WWOX: variants seen among roughly 807,000 people sequenced by gnomAD.
WWOX encodes the protein WW domain containing oxidoreductase, also known as WW domain-containing oxidoreductase.
A neutral mutation model predicts 46.2 loss-of-function variants in WWOX; 69 were observed. The observed-to-expected ratio is 1.49, with a 90% CI of 1.23 to 1.82. The LOEUF (loss-of-function observed/expected upper bound fraction) is 1.82, where lower values mean the gene tolerates loss of function less well. WWOX is among the 40% of genes most tolerant of loss of function. The probability of loss-of-function intolerance (pLI) is 0.00; values close to 1 mark genes in which losing one functional copy is unlikely to be tolerated. For synonymous variants in WWOX, 359 were observed against 202.6 expected (o/e 1.77, Z -6.56); for missense variants, 919 against 542.6 (o/e 1.69, Z -6.89).
chr16:78,865,172 G>T (rs1352132530), intron 8 of WWOX, among the ~76,000 whole-genome samples: 1 of 152,074 alleles, frequency 6.6e-6, no homozygotes, highest in African/African-American at 2.4e-5. Context: ...AGTGCTAAAG[G>T]TTGTATGTTT....
At chr16:78,236,810 C>T (rs2037454063) in intron 5 of WWOX, among the ~76,000 whole-genome samples, 1 of 152,130 alleles carries the variant, frequency 6.6e-6, no homozygotes, top group African/African-American at 2.4e-5. Flanking sequence ...GGCCCGGTGG[C>T]TCACACCTGT....
At chr16:78,514,079 C>A (rs1187294505) in intron 8 of WWOX, among the ~76,000 whole-genome samples, 1 of 152,148 alleles carries the variant, frequency 6.6e-6, no homozygotes, top group African/African-American at 2.4e-5. Flanking sequence ...TAGAATGACT[C>A]AAAATCAGCC....
intron 8 of WWOX, among the ~76,000 whole-genome samples, chr16:78,511,897 C>A (rs936154006): frequency 1.3e-5 from 2 of 152,184 alleles, no homozygotes; most frequent in Non-Finnish European, 2.9e-5. Context: ...ATGACATTAT[C>A]CGTTTACTGC....
chr16:78,645,711 A>G (rs1015415300), intron 8 of WWOX, among the ~76,000 whole-genome samples: 6 of 152,144 alleles, frequency 3.9e-5, no homozygotes, highest in African/African-American at 9.6e-5. Flanking sequence ...CACCCCCGTA[A>G]CCTAGACTCC....
At chr16:78,306,409 T>C (rs911262102) in intron 5 of WWOX, among the ~76,000 whole-genome samples, 8 of 152,120 alleles carry the variant, frequency 5.3e-5, no homozygotes, top group Admixed American at 2.0e-4. Flanking sequence ...CAGTAGATAT[T>C]TCAGAACCCT....
chr16:78,348,932 C>T (rs991483335), intron 5 of WWOX, among the ~76,000 whole-genome samples: 1 of 120,150 alleles, frequency 8.3e-6, no homozygotes, highest in African/African-American at 2.8e-5. Flanking sequence ...AATAGCCCAG[C>T]AGAGGGGAAA....
intron 8 of WWOX, among the ~76,000 whole-genome samples, chr16:78,645,327 T>C (rs996994821): frequency 1.3e-5 from 2 of 152,112 alleles, no homozygotes; most frequent in African/African-American, 4.8e-5. Flanking sequence ...CTTTAACAAA[T>C]GACCACCCAT....
chr16:79,166,927 A>G (rs1473510275), intron 8 of WWOX, among the ~76,000 whole-genome samples: 2 of 151,674 alleles, frequency 1.3e-5, no homozygotes, highest in Non-Finnish European at 2.9e-5. Flanking sequence ...GTAAATTTCA[A>G]CTTCATCATA....
chr16:78,686,753 A>G (rs1282609477), intron 8 of WWOX, among the ~76,000 whole-genome samples: 1 of 152,076 alleles, frequency 6.6e-6, no homozygotes, highest in Non-Finnish European at 1.5e-5. Flanking sequence ...TCCACCCTGC[A>G]CTCCATATGC....
At chr16:78,577,019 T>A (rs2044898401) in intron 8 of WWOX, among the ~76,000 whole-genome samples, 1 of 152,256 alleles carries the variant, frequency 6.6e-6, no homozygotes, top group African/African-American at 2.4e-5. Flanking sequence ...CAAAATTCAG[T>A]GATTAGTTTA....
At chr16:78,773,871 G>C (rs2050124741) in intron 8 of WWOX, among the ~76,000 whole-genome samples, 1 of 152,160 alleles carries the variant, frequency 6.6e-6, no homozygotes, top group African/African-American at 2.4e-5. Flanking sequence ...ACTTCTGTTG[G>C]CATCATTCGC....
intron 8 of WWOX, among the ~76,000 whole-genome samples, chr16:78,571,365 G>T (rs76941086): frequency 6.6e-6 from 1 of 152,068 alleles, no homozygotes; most frequent in Non-Finnish European, 1.5e-5. Flanking sequence ...CCCATTAAAT[G>T]TGTATATATA....
At chr16:78,422,844 T>TACACACACACACACAC (rs370327902) in intron 6 of WWOX, among the ~76,000 whole-genome samples, 2 of 105,118 alleles carry the variant, frequency 1.9e-5, no homozygotes, top group African/African-American at 9.8e-5. Context: ...TATATACATA[T>TACACACACACACACAC]ACACACACAC....
chr16:78,922,629 T>C (rs1393308551), intron 8 of WWOX, among the ~76,000 whole-genome samples: 1 of 152,176 alleles, frequency 6.6e-6, no homozygotes, highest in Admixed American at 6.5e-5. Context: ...TCCCCTCACC[T>C]TGGCCTCCCA....
chr16:78,355,817 C>T (rs1597088159), intron 5 of WWOX: 2 of 704,456 alleles, frequency 2.8e-6, no homozygotes, highest in East Asian at 7.2e-5. Flanking sequence ...GGTTGCCCCT[C>T]CACTGAGAGT....
At chr16:79,122,256 T>A (rs1193687669) in intron 8 of WWOX, among the ~76,000 whole-genome samples, 1 of 152,130 alleles carries the variant, frequency 6.6e-6, no homozygotes, top group Non-Finnish European at 1.5e-5. Flanking sequence ...TGTTAGAAAT[T>A]TAGGCTGAGC....
intron 8 of WWOX, among the ~76,000 whole-genome samples, chr16:78,924,210 C>G (rs540761242): frequency 1.3e-5 from 2 of 152,038 alleles, no homozygotes; most frequent in Non-Finnish European, 2.9e-5. Flanking sequence ...GTCTCTGAAG[C>G]TTGGTCTTGA....
At chr16:78,286,706 A>T (rs1327874708) in intron 5 of WWOX, among the ~76,000 whole-genome samples, 1 of 152,190 alleles carries the variant, frequency 6.6e-6, no homozygotes, top group East Asian at 1.9e-4. Context: ...AAAATAAAAT[A>T]AAATAAAATA....
chr16:78,463,677 T>C (rs1437062272), intron 8 of WWOX, among the ~76,000 whole-genome samples: 1 of 152,194 alleles, frequency 6.6e-6, no homozygotes, highest in East Asian at 1.9e-4. Context: ...ACTGTTAGAA[T>C]CTGTTGGCTG....
Sources: allele counts gnomAD v4.1 joint callset (sites outside exome capture counted in the v4.1 genomes callset), GRCh38; gene constraint gnomAD v4.1.1; transcripts MANE v1.5; gene names NCBI Gene and HGNC (gene_info 2026-07-23, HGNC 2026-07-21).